The following TTN variants were observed in gnomAD, a reference collection of about 807,000 sequenced individuals.
TTN encodes titin.
A neutral mutation model predicts 3,223.0 loss-of-function variants in TTN; 1,525 were observed. That is an observed-to-expected ratio of 0.47 (90% CI 0.45 to 0.49). The LOEUF is 0.49. TTN is among the 20% of genes least tolerant of loss of function. TTN has a pLI of 0.00. For synonymous variants in TTN, 14,094 were observed against 15,161.0 expected (o/e 0.93, Z 5.17); for missense variants, 40,786 against 43,424.0 (o/e 0.94, Z 5.40).
At position 178,793,512 on chromosome 2, in the gene TTN, T is replaced by G; in HGVS notation, c.1428A>C (p.Val476=). ...QVRKEAEKTA[V]TKVVVAADKA... is the part of the protein sequence containing the mutation. ...TATCGGCGGCCACTACTACCTTAGT[T>G]ACAGCAGTCTTCTCCGCTTCCTTTC... Residue 476 remains valine (V), a synonymous_variant, in exon 9 of 363, where the codon GTA becomes GTC. Coordinates refer to ENST00000589042, the MANE Select transcript of TTN (RefSeq NM_001267550.2). 6.2e-7 allele frequency: 1 copy of G among 1,614,084 alleles called. No individual in the cohort carries two copies. The highest frequency in any genetic ancestry group is 8.5e-7 in the Non-Finnish European group (1 of 1,180,020).
intron 47 of TTN, chr2:178,749,573 T>TG (rs1445630802): frequency 6.2e-7 from 1 of 1,612,666 alleles, no homozygotes; most frequent in Non-Finnish European, 8.5e-7. Flanking sequence ...TCCCTGGTCT[T>TG]GCAGTTGCTG....
At position 178,615,322 on chromosome 2, in the gene TTN, G is replaced by A. The variant is rs2057137481; in HGVS notation, c.48623C>T (p.Pro16208Leu). ...AAAAACCTACTTTGTTTCTGCAACA[G>A]GTTCTCCACAGGCAACCCATTTATC... ...GSDKWVACGE[P>L]VAETKMEVTG... is the part of the protein sequence containing the mutation. The change falls in exon 259 of 363, where the codon CCT becomes CTT. Residue 16208 changes from proline to leucine, a missense_variant. By Grantham distance (98) the Pro-to-Leu change is moderately conservative. Transcript: ENST00000589042. 1 of 1,612,122 alleles carries A rather than the reference G, an allele frequency of 6.2e-7. No individual in the cohort carries two copies. The highest frequency in any genetic ancestry group is 1.3e-5 in the African/African-American group (1 of 74,756).
chr2:178,689,086 C>T lies in TTN; in HGVS notation c.32062G>A (p.Val10688Ile), dbSNP rs758659428. The change falls in exon 125 of 363, where the codon GTT (valine) becomes ATT (isoleucine). Residue 10688 changes from valine to isoleucine, a missense_variant. Physicochemically the swap from Val to Ile is conservative, Grantham distance 29. Transcript: ENST00000589042. ...GGAGGAGCTTTCTTAGCGACAGGAA[C>T]TGGCACTGCAACTTTCTCCTCTGGG... Reference protein sequence around the residue: ...PVPEEKVAVPVPVAKKAPPPR... With the variant: ...PVPEEKVAVPIPVAKKAPPPR... 7 of 1,600,842 alleles carry T rather than the reference C, an allele frequency of 4.4e-6. No homozygotes were observed. In the African/African-American group the frequency reaches 8.4e-5, roughly 19 times the overall value.
At chr2:178,694,532 T>G (rs1198149812) in intron 117 of TTN, 67 bp downstream of exon 117, 1 of 1,163,718 alleles carries the variant, frequency 8.6e-7, no homozygotes, top group Non-Finnish European at 1.2e-6. Context: ...TAGCAATATA[T>G]GTACACATGT....
chr2:178,563,464 A>G lies in TTN; in HGVS notation c.82668T>C (p.Ser27556=). The change falls in exon 326 of 363, where the codon AGT becomes AGC. Residue 27556 remains serine (S), a synonymous_variant. Coordinates refer to ENST00000589042, the MANE Select transcript of TTN (RefSeq NM_001267550.2). The surrounding 1 kb of genome is among the most constrained non-coding windows in gnomAD (Gnocchi z 4.5). ...ACGCACGGTAGAAAACAGATGGCTCACTAGGTTCTCCCACACCAGCTGCAT... is the reference window on the plus strand; with the variant it reads ...ACGCACGGTAGAAAACAGATGGCTCGCTAGGTTCTCCCACACCAGCTGCAT... The part of the protein sequence containing the change: ...AENAAGVGEP[S]EPSVFYRACD... 1.9e-6 allele frequency: 3 copies of G among 1,613,656 alleles called. No individual in the cohort carries two copies. Among genetic ancestry groups the G allele is most frequent in the Non-Finnish European group, 2.5e-6 (3 of 1,179,732 alleles).
chr2:178,610,704 A>C (rs1393340715), intron 270 of TTN, among the ~76,000 whole-genome samples: 5 of 152,022 alleles, frequency 3.3e-5, no homozygotes, highest in Non-Finnish European at 5.9e-5. Context: ...CTGTGCAATT[A>C]AAAAATTGTG....
rs1197770269 is a variant in TTN, at chr2:178,565,414, T to C, written c.80718A>G (p.Arg26906=). The change falls in exon 326 of 363, where the codon CGA becomes CGG. Residue 26906 remains arginine (R), a synonymous_variant. Transcript: ENST00000589042. The stretch of plus-strand genomic sequence containing the variant: ...TGACCCAAGAAATGTTAGGTCTTGG[T>C]CGGCCTATAACTGGAATTTCTATTT... The part of the protein sequence containing the change: ...DLKIEIPVIG[R]PRPNISWVKD... The C allele has an allele frequency of 1.2e-6, 2 of 1,613,542 alleles. No individual in the cohort carries two copies. The highest frequency in any genetic ancestry group is 2.2e-5 in the East Asian group (1 of 44,824).
rs964514904 is a variant in TTN, at chr2:178,741,131, G to A, written c.12102C>T (p.Asp4034=). 1 of 1,613,664 alleles carries A rather than the reference G, an allele frequency of 6.2e-7. No homozygotes were observed. Among genetic ancestry groups the A allele is most frequent in the South Asian group, 1.1e-5 (1 of 91,078 alleles). ...TTGCTTTGCAGGGGGTATCAGTCAT[G>A]TCTGTGTCTTCCAGAAGCACAAGCA... ...AELLVLLEDT[D]MTDTPCKAKS... Residue 4034 remains aspartate, a synonymous_variant, in exon 48 of 363, where the codon GAC becomes GAT. Coordinates refer to ENST00000589042, the MANE Select transcript of TTN (RefSeq NM_001267550.2).
rs763380355 is a variant in TTN at position 178,677,906 on chromosome 2, G to A, written c.34006C>T (p.Arg11336Cys). Residue 11336 changes from arginine to cysteine, a missense_variant, in exon 146 of 363, where the codon CGT becomes TGT. Arg to Cys is a radical substitution (Grantham distance 180). Transcript: ENST00000589042. ...EAPPPKVPKK[R>C]EPVPVPVALP... ...GCTACAGGAACTGGAACTGGTTCAC[G>A]TTTCTTTGGCACTTTAAAGATATTT... is the stretch of plus-strand genomic sequence containing the variant. The A allele has an allele frequency of 1.3e-5, 20 of 1,597,998 alleles. No individual in the cohort carries two copies. Among genetic ancestry groups the A allele is most frequent in the Admixed American group, 3.5e-5 (2 of 56,646 alleles).
At position 178,712,217 on chromosome 2, in the gene TTN, G is replaced by T. The variant is rs1216622524; in HGVS notation, c.27613C>A (p.Pro9205Thr). Residue 9205 changes from proline (P) to threonine (T), a missense_variant, in exon 96 of 363, where the codon CCG becomes ACG. Physicochemically the swap from Pro to Thr is conservative, Grantham distance 38 (BLOSUM62 -1). Transcript: ENST00000589042. ...CSAQILILEP[P>T]YFVKQLEPVK... Reference sequence around the variant, plus strand: ...GGCTCCAACTGCTTGACAAAATACGGTGGTTCTGCAGCCAAGAGAGATAAT... The same window carrying T: ...GGCTCCAACTGCTTGACAAAATACGTTGGTTCTGCAGCCAAGAGAGATAAT... The T allele has an allele frequency of 6.2e-7, 1 of 1,612,696 alleles. No individual in the cohort carries two copies.
intron 240 of TTN, among the ~76,000 whole-genome samples, chr2:178,627,411 T>A (rs1401438283): frequency 1.3e-5 from 2 of 152,054 alleles, no homozygotes; most frequent in South Asian, 2.1e-4. Flanking sequence ...AGCAAGTTTG[T>A]TCTGACAGAC....
intron 263 of TTN, 132 bp downstream of exon 263, chr2:178,613,619 T>C (rs1406244743): frequency 2.2e-6 from 2 of 900,364 alleles, no homozygotes; most frequent in Admixed American, 6.3e-5. Flanking sequence ...TATGAGGTAA[T>C]AGAAAATATG....
At chr2:178,751,943 T>C (rs2085653592) in intron 47 of TTN, 1 of 1,588,960 alleles carries the variant, frequency 6.3e-7, no homozygotes, top group Non-Finnish European at 8.5e-7. Flanking sequence ...TGCATATCTT[T>C]TAGCAGCCAT....
In TTN at chr2:178,536,957, C is replaced by T. The variant is rs1439419510; in HGVS notation, c.100152G>A (p.Val33384=). Residue 33384 remains valine (V), a synonymous_variant, in exon 356 of 363, where the codon GTG becomes GTA. Transcript: ENST00000589042. ...ISDPLEVSSV[V]IIKSPFEKPG... The stretch of plus-strand genomic sequence containing the variant: ...ACTCACCAAATGGACTCTTAATGAT[C>T]ACAACTGAGGACACTTCTAGAGGGT... 6.2e-7 allele frequency: 1 copy of T among 1,609,698 alleles called. No homozygotes were observed. The highest frequency in any genetic ancestry group is 8.5e-7 in the Non-Finnish European group (1 of 1,177,210).
Position 178,635,188 on chromosome 2 carries a change from C to T in TTN, c.42001G>A (p.Gly14001Arg), listed in dbSNP as rs866553786. Residue 14001 changes from glycine to arginine, a missense_variant, in exon 228 of 363, where the codon GGA (glycine) becomes AGA (arginine). Physicochemically the swap from Gly to Arg is moderately radical, Grantham distance 125. Coordinates refer to ENST00000589042, the MANE Select transcript of TTN (RefSeq NM_001267550.2). ...ACAGGTGAGGGCCTTAGAAGTTCTCCTTTCAGTTTCCATTGTCCAGGAATG... is the reference window on the plus strand; with the variant it reads ...ACAGGTGAGGGCCTTAGAAGTTCTCTTTTCAGTTTCCATTGTCCAGGAATG... ...ADIPGQWKLK[G>R]ELLRPSPTCE... The T allele has an allele frequency of 1.2e-6, 2 of 1,612,802 alleles. No homozygotes were observed. The highest frequency in any genetic ancestry group is 1.7e-5 in the Admixed American group (1 of 59,854).
chr2:178,646,429 T>C (rs2062012706), intron 216 of TTN, 56 bp downstream of exon 216: 2 of 1,204,912 alleles, frequency 1.7e-6, no homozygotes, highest in African/African-American at 1.5e-5. Flanking sequence ...ATAAACCATA[T>C]ACATTTCAAG....
intron 288 of TTN, 107 bp from the exon 289 acceptor site, chr2:178,599,957 T>A: frequency 9.7e-7 from 1 of 1,028,380 alleles, no homozygotes; most frequent in Non-Finnish European, 1.4e-6. Context: ...AGGCAGACTT[T>A]GTAGCTCAGC....
chr2:178,792,011 G>A (rs2093530671), intron 10 of TTN, 61 bp downstream of exon 10: 2 of 1,572,976 alleles, frequency 1.3e-6, no homozygotes, highest in African/African-American at 1.4e-5. Flanking sequence ...TAAGCTACCT[G>A]CAGCTGGCTG....
Position 178,799,709 on chromosome 2 carries a change from G to T in TTN, c.692C>A (p.Ala231Asp). 2 of 1,614,144 alleles carry T rather than the reference G, an allele frequency of 1.2e-6. No individual in the cohort carries two copies. The highest frequency in any genetic ancestry group is 1.7e-6 in the Non-Finnish European group (2 of 1,180,022). Residue 231 changes from alanine (A) to aspartate (D), a missense_variant, in exon 6 of 363, where the codon GCC becomes GAC. Physicochemically the swap from Ala to Asp is moderately radical, Grantham distance 126. Coordinates refer to ENST00000589042, the MANE Select transcript of TTN (RefSeq NM_001267550.2). Reference protein sequence around the residue: ...IEKKIEAHFDARSIATVEMVI... With the variant: ...IEKKIEAHFDDRSIATVEMVI... Reference sequence around the variant, plus strand: ...CATCTCAACTGTTGCAATTGATCTGGCATCAAAGTGGGCTTCAATCTTCTG... The same window carrying T: ...CATCTCAACTGTTGCAATTGATCTGTCATCAAAGTGGGCTTCAATCTTCTG...
Sources: allele counts gnomAD v4.1 joint callset (sites outside exome capture counted in the v4.1 genomes callset), GRCh38; gene constraint gnomAD v4.1.1; non-coding constraint Gnocchi (gnomAD v3.1); transcripts MANE v1.5; gene names NCBI Gene and HGNC (gene_info 2026-07-23, HGNC 2026-07-21).